Variants in IMPG2 observed in about 807,000 individuals in gnomAD.
IMPG2 encodes IPM 200.
A neutral mutation model predicts 129.2 loss-of-function variants in IMPG2; 91 were observed. The ratio of observed to expected loss-of-function variants is 0.70; its 90% CI spans 0.59 to 0.84. The LOEUF (loss-of-function observed/expected upper bound fraction) is 0.84. Among genes scored for constraint, IMPG2 ranks in the 40% least tolerant of loss-of-function variants. The pLI is 0.00. For missense variants in IMPG2, 1,430 were observed against 1,461.7 expected, an observed-to-expected ratio of 0.98 and a Z score of 0.35; for synonymous variants, 510 against 517.7, an observed-to-expected ratio of 0.99 and a Z score of 0.20.
rs774697801 is a variant in IMPG2 at position 101,257,702 on chromosome 3, C to T, written c.980G>A (p.Ser327Asn). 2.5e-6 allele frequency: 4 copies of T among 1,613,386 alleles called. No homozygotes were observed. The highest frequency in any genetic ancestry group is 2.2e-5 in the East Asian group (1 of 44,868). Residue 327 changes from serine to asparagine, a missense_variant, in exon 10 of 19, where the codon AGC (serine) becomes AAC (asparagine). By Grantham distance (46) the Ser-to-Asn change is conservative (BLOSUM62 1). Transcript: ENST00000193391. Reference sequence around the variant, plus strand: ...GTTTTCCACCTTGTTGGAGTGAAGGCTAATGAGGTCCCAGGTGGTATTGCT... The same window carrying T: ...GTTTTCCACCTTGTTGGAGTGAAGGTTAATGAGGTCCCAGGTGGTATTGCT... ...AISNTTWDLI[S>N]LHSNKVENHG...
intron 10 of IMPG2, among the ~76,000 whole-genome samples, chr3:101,255,471 T>C (rs1181071244): frequency 2.0e-5 from 3 of 152,140 alleles, no homozygotes; most frequent in Non-Finnish European, 4.4e-5. Context: ...GTGGATATAG[T>C]TTCCTAAGCA....
chr3:101,287,848 A>G (rs1392266330), intron 4 of IMPG2, among the ~76,000 whole-genome samples: 1 of 152,166 alleles, frequency 6.6e-6, no homozygotes, highest in Non-Finnish European at 1.5e-5. Context: ...ATTTATGGCC[A>G]AGCCCCCAAA....
At chr3:101,294,379 G>T (rs1274526942) in intron 3 of IMPG2, among the ~76,000 whole-genome samples, 1 of 152,116 alleles carries the variant, frequency 6.6e-6, no homozygotes, top group African/African-American at 2.4e-5. Flanking sequence ...TGCTGAGGAT[G>T]ATGGCTTCCA....
At chr3:101,236,323 AG>A (rs1461791431) in intron 14 of IMPG2, among the ~76,000 whole-genome samples, 1 of 152,252 alleles carries the variant, frequency 6.6e-6, no homozygotes, top group African/African-American at 2.4e-5. Flanking sequence ...GAATATTAAA[AG>A]TAAAGGTGAG....
rs553194376 is a variant in IMPG2, at chr3:101,268,278, T to C, written c.888-747A>G. On this transcript the variant is annotated intron_variant, in intron 8 of 18. Coordinates refer to ENST00000193391, the MANE Select transcript of IMPG2 (RefSeq NM_016247.4). ...CGGCAGGATCTGAAGCCAGGCAAGT[T>C]GGCTCCAAAGACTGTGTTGCCCTTC... Among the ~76,000 whole-genome samples the C allele has an allele frequency of 1.4e-4, 21 of 152,332 alleles. No homozygotes were observed. The East Asian group carries it at 3.5e-3, about 25-fold the overall frequency.
intron 4 of IMPG2, among the ~76,000 whole-genome samples, chr3:101,283,318 G>A (rs938469060): frequency 5.5e-4 from 83 of 152,194 alleles, no homozygotes; most frequent in African/African-American, 1.9e-3. Flanking sequence ...GAGCCACCAT[G>A]CCAGCCACTA....
chr3:101,285,739 G>C (rs980008714), intron 4 of IMPG2, among the ~76,000 whole-genome samples: 3 of 151,964 alleles, frequency 2.0e-5, no homozygotes, highest in Admixed American at 6.6e-5. Flanking sequence ...TTTTGAAATT[G>C]GTACAAATAT....
In IMPG2 at chr3:101,269,502, T is replaced by A. The variant is rs761661826; in HGVS notation, c.887+13A>T. 1 of 1,466,376 alleles carries A rather than the reference T, an allele frequency of 6.8e-7. No individual in the cohort carries two copies. The highest frequency in any genetic ancestry group is 9.6e-7 in the Non-Finnish European group (1 of 1,045,828). The allele number at this position is 1,466,376 out of a possible 1,614,324, so 90.8% of individuals were successfully genotyped here. On this transcript the variant is annotated intron_variant, in intron 8 of 18. Coordinates refer to ENST00000193391, the MANE Select transcript of IMPG2 (RefSeq NM_016247.4). ...ACTACTGAAAATGTGCATATTTAGA[T>A]AAGTCTATTTACCTAAATTCAAGTA... is the stretch of plus-strand genomic sequence containing the variant.
intron 8 of IMPG2, among the ~76,000 whole-genome samples, chr3:101,268,553 A>T (rs1706745225): frequency 6.6e-6 from 1 of 152,204 alleles, no homozygotes; most frequent in Non-Finnish European, 1.5e-5. Context: ...TCCTTATTGG[A>T]AAATATGAGC....
At chr3:101,272,716 C>A (rs1192782550) in intron 7 of IMPG2, among the ~76,000 whole-genome samples, 1 of 152,192 alleles carries the variant, frequency 6.6e-6, no homozygotes, top group Admixed American at 6.5e-5. Context: ...CCCCTTCCCA[C>A]ATCTGATGGC....
chr3:101,284,081 G>C (rs1030752778), intron 4 of IMPG2, among the ~76,000 whole-genome samples: 1 of 152,160 alleles, frequency 6.6e-6, no homozygotes, highest in African/African-American at 2.4e-5. Context: ...TTTCTTGATG[G>C]ATTGGATGTG....
chr3:101,318,498 T>A lies in IMPG2; in HGVS notation c.334+1086A>T, dbSNP rs147877153. On this transcript the variant is annotated intron_variant, in intron 2 of 18. Coordinates refer to ENST00000193391, the MANE Select transcript of IMPG2 (RefSeq NM_016247.4). Reference sequence around the variant, plus strand: ...CAAATATATAAATATGTGTAATAGCTGGTATTATATTAAATTTTTATTGTG... The same window carrying A: ...CAAATATATAAATATGTGTAATAGCAGGTATTATATTAAATTTTTATTGTG... Among the ~76,000 whole-genome samples, 746 of 152,192 alleles carry A rather than the reference T, an allele frequency of 4.9e-3. 26 individuals are homozygous for A. Among genetic ancestry groups the A allele is most frequent in the Admixed American group, 0.042 (644 of 15,272 alleles).
At chr3:101,279,354 A>G (rs1706869938) in intron 4 of IMPG2, among the ~76,000 whole-genome samples, 1 of 152,222 alleles carries the variant, frequency 6.6e-6, no homozygotes, top group Admixed American at 6.5e-5. Context: ...AGCTAAGCCA[A>G]TGGAGAAGCT....
chr3:101,231,163 C>A lies in IMPG2; in HGVS notation c.3234-18G>T. Reference sequence around the variant, plus strand: ...CCCGGCACCTGCAACCAACAGTCACCAAGTCCGATATCTGAATCACTCTGC... The same window carrying A: ...CCCGGCACCTGCAACCAACAGTCACAAAGTCCGATATCTGAATCACTCTGC... On this transcript the variant is annotated intron_variant, in intron 15 of 18. Transcript: ENST00000193391. 1.2e-6 allele frequency: 2 copies of A among 1,612,918 alleles called. No homozygotes were observed. Among genetic ancestry groups the A allele is most frequent in the Non-Finnish European group, 1.7e-6 (2 of 1,179,164 alleles).
intron 2 of IMPG2, 22 bp from the exon 3 acceptor site, chr3:101,304,334 T>C (rs1707167293): frequency 6.2e-7 from 1 of 1,612,222 alleles, no homozygotes; most frequent in Admixed American, 1.7e-5. Flanking sequence ...AGAGGTGTTT[T>C]TTTACAAAAA....
intron 4 of IMPG2, among the ~76,000 whole-genome samples, chr3:101,287,913 C>A (rs920574021): frequency 6.6e-6 from 1 of 152,090 alleles, no homozygotes; most frequent in African/African-American, 2.4e-5. Flanking sequence ...AACTAAAGAG[C>A]TTTTGCACAG....
At chr3:101,253,565 T>C (rs1295578516) in intron 11 of IMPG2, 131 bp downstream of exon 11, 4 of 726,924 alleles carry the variant, frequency 5.5e-6, no homozygotes, top group Non-Finnish European at 9.8e-6. Context: ...TGAGTAATGG[T>C]CTAGGGATGA....
intron 14 of IMPG2, among the ~76,000 whole-genome samples, chr3:101,239,095 T>C (rs1706378986): frequency 6.6e-6 from 1 of 152,088 alleles, no homozygotes; most frequent in Non-Finnish European, 1.5e-5. Flanking sequence ...GGGATATAAT[T>C]AAACTAAAGA....
intron 4 of IMPG2, among the ~76,000 whole-genome samples, chr3:101,291,009 T>C (rs1707003915): frequency 1.3e-5 from 2 of 152,170 alleles, no homozygotes; most frequent in Non-Finnish European, 2.9e-5. Flanking sequence ...GAAACGACCT[T>C]AGCTCTAAGC....
Sources: allele counts gnomAD v4.1 joint callset (sites outside exome capture counted in the v4.1 genomes callset), GRCh38; gene constraint gnomAD v4.1.1; transcripts MANE v1.5; gene names NCBI Gene and HGNC (gene_info 2026-07-23, HGNC 2026-07-21).